ZDHHC14: variants seen among roughly 807,000 people sequenced by gnomAD.
ZDHHC14 encodes the protein zDHHC palmitoyltransferase 14, also known as palmitoyltransferase ZDHHC14.
Under a neutral mutation model 47.7 loss-of-function variants are expected in ZDHHC14, and 16 were observed. That is an observed-to-expected ratio of 0.34 (90% CI 0.23 to 0.51). ZDHHC14 has a LOEUF of 0.51. ZDHHC14 is among the 20% of genes least tolerant of loss of function. The pLI, the probability that ZDHHC14 is intolerant of heterozygous loss-of-function variation, is 0.97. For synonymous variants in ZDHHC14, 293 were observed against 278.9 expected (o/e 1.05, Z -0.50); for missense variants, 515 against 662.5 (o/e 0.78, Z 2.44).
intron 1 of ZDHHC14, among the ~76,000 whole-genome samples, chr6:157,523,114 A>ATC (rs748957176): frequency 3.3e-5 from 5 of 149,542 alleles, no homozygotes; most frequent in Non-Finnish European, 5.9e-5. Context: ...GGTGAATGGG[A>ATC]TCTCTCTCTC....
intron 3 of ZDHHC14, among the ~76,000 whole-genome samples, chr6:157,604,290 A>T (rs1024763037): frequency 9.8e-4 from 29 of 29,642 alleles, no homozygotes; most frequent in African/African-American, 4.2e-3. Flanking sequence ...CTGTCTTAAA[A>T]AAAAAAAAAA....
intron 1 of ZDHHC14, among the ~76,000 whole-genome samples, chr6:157,499,735 A>G (rs1303419250): frequency 6.6e-6 from 1 of 152,236 alleles, no homozygotes; most frequent in Non-Finnish European, 1.5e-5. Flanking sequence ...CACCCTATGC[A>G]TATAAGCAAC....
chr6:157,648,571 G>C (rs2114985258), intron 7 of ZDHHC14, among the ~76,000 whole-genome samples: 1 of 152,324 alleles, frequency 6.6e-6, no homozygotes, highest in East Asian at 1.9e-4. Flanking sequence ...AAACTTGGGA[G>C]CCCAGCATGC....
intron 1 of ZDHHC14, among the ~76,000 whole-genome samples, chr6:157,498,925 T>G (rs990228934): frequency 6.6e-6 from 1 of 152,194 alleles, no homozygotes; most frequent in East Asian, 1.9e-4. Context: ...GCTGAGCAGA[T>G]TTTTACCTCC....
intron 2 of ZDHHC14, among the ~76,000 whole-genome samples, chr6:157,589,823 CAG>C (rs1258262374): frequency 6.6e-6 from 1 of 152,086 alleles, no homozygotes; most frequent in African/African-American, 2.4e-5. Context: ...AAGTGGGTAA[CAG>C]GGAGAGGTTG....
chr6:157,660,180 C>A (rs1778284697), intron 8 of ZDHHC14, among the ~76,000 whole-genome samples: 1 of 135,272 alleles, frequency 7.4e-6, no homozygotes. Flanking sequence ...TTCTTACTTT[C>A]TTTTTTTCTT....
At chr6:157,434,280 G>A (rs566191723) in intron 1 of ZDHHC14, among the ~76,000 whole-genome samples, 1 of 150,552 alleles carries the variant, frequency 6.6e-6, no homozygotes, top group East Asian at 2.0e-4. Context: ...CTATTCTGAT[G>A]TTCTGAATAG....
chr6:157,617,523 T>C (rs914211920), intron 3 of ZDHHC14, among the ~76,000 whole-genome samples: 10 of 152,282 alleles, frequency 6.6e-5, no homozygotes, highest in African/African-American at 2.4e-4. Context: ...GTGGACTCTT[T>C]GCTACAAGAT....
chr6:157,628,401 C>G lies in ZDHHC14; in HGVS notation c.618C>G (p.Asn206Lys). 1 of 1,612,966 alleles carries G rather than the reference C, an allele frequency of 6.2e-7. No individual in the cohort carries two copies. The highest frequency in any genetic ancestry group is 2.2e-5 in the East Asian group (1 of 44,840). The stretch of plus-strand genomic sequence containing the variant: ...TAGGCAACTGTGTGGGGAAAAGAAA[C>G]TACAGATTTTTTTATATGTTTATTT... ...PWVGNCVGKR[N>K]YRFFYMFILS... The change falls in exon 4 of 9, where the codon AAC becomes AAG. Residue 206 changes from asparagine (N) to lysine (K), a missense_variant. Physicochemically the swap from Asn to Lys is moderately conservative, Grantham distance 94. Around this residue, in one of 4 missense-constraint regions of ZDHHC14, gnomAD observed 229 missense variants for 351.5 expected, o/e 0.65. Coordinates refer to ENST00000359775, the MANE Select transcript of ZDHHC14 (RefSeq NM_024630.3).
chr6:157,460,097 G>A (rs908270925), intron 1 of ZDHHC14, among the ~76,000 whole-genome samples: 8 of 151,246 alleles, frequency 5.3e-5, no homozygotes, highest in Non-Finnish European at 1.2e-4. Context: ...TAGCTACTTG[G>A]GGGGCTGAGG....
intron 8 of ZDHHC14, among the ~76,000 whole-genome samples, chr6:157,654,335 A>C (rs1673836656): frequency 6.6e-6 from 1 of 152,160 alleles, no homozygotes. Flanking sequence ...CAGTGTCTTA[A>C]GATTCCCTAG....
chr6:157,479,552 A>G (rs1779572758), intron 1 of ZDHHC14, among the ~76,000 whole-genome samples: 1 of 152,266 alleles, frequency 6.6e-6, no homozygotes, highest in South Asian at 2.1e-4. Context: ...AGGCTTTTCC[A>G]CAGGAACAGC....
chr6:157,597,561 C>T (rs149725133), intron 3 of ZDHHC14, among the ~76,000 whole-genome samples: 3,286 of 152,322 alleles, frequency 0.022, 54 homozygotes, highest in South Asian at 0.035. Context: ...TTTTGCAAAC[C>T]GGTTATACAA....
At position 157,667,959 on chromosome 6, in the gene ZDHHC14, C is replaced by T. The variant is rs114774099; in HGVS notation, c.1069-4765C>T. Among the ~76,000 whole-genome samples the T allele has an allele frequency of 8.5e-3, 1,296 of 152,326 alleles. 21 individuals carry two copies. Among genetic ancestry groups the T allele is most frequent in the African/African-American group, 0.03 (1,228 of 41,566 alleles). The stretch of plus-strand genomic sequence containing the variant: ...ATCTGACAAAACTCTGCTCTGTCCA[C>T]GCCAGTGCTCTCTTCTGAGCCAACA... On this transcript the variant is annotated intron_variant, in intron 8 of 8. Transcript: ENST00000359775.
At chr6:157,574,356 G>A (rs1783218206) in intron 2 of ZDHHC14, among the ~76,000 whole-genome samples, 2 of 152,144 alleles carry the variant, frequency 1.3e-5, no homozygotes, top group South Asian at 4.1e-4. Flanking sequence ...CCGGGAGGTG[G>A]AGGTTTCAGT....
At chr6:157,479,000 G>A (rs766726720) in intron 1 of ZDHHC14, among the ~76,000 whole-genome samples, 175 of 152,256 alleles carry the variant, frequency 1.1e-3, no homozygotes, top group Non-Finnish European at 1.5e-3. Flanking sequence ...AAAGGTCCGC[G>A]GGGAGACATA....
chr6:157,407,274 C>T (rs2114753726), intron 1 of ZDHHC14, among the ~76,000 whole-genome samples: 1 of 152,274 alleles, frequency 6.6e-6, no homozygotes, highest in East Asian at 1.9e-4. Flanking sequence ...TGTAGCCCCG[C>T]CCCTGGGAAG....
At chr6:157,432,186 G>A (rs948540855) in intron 1 of ZDHHC14, among the ~76,000 whole-genome samples, 1 of 152,166 alleles carries the variant, frequency 6.6e-6, no homozygotes, top group African/African-American at 2.4e-5. Flanking sequence ...TTTGTGTGAG[G>A]TGCCGTTGGA....
At chr6:157,548,671 C>A (rs769365175) in intron 2 of ZDHHC14, among the ~76,000 whole-genome samples, 1 of 152,200 alleles carries the variant, frequency 6.6e-6, no homozygotes, top group Non-Finnish European at 1.5e-5. Flanking sequence ...GTCTCGAACT[C>A]CCAGCCTCAG....
Sources: gnomAD v4.1 joint callset for allele counts (sites outside exome capture counted in the v4.1 genomes callset) on GRCh38, gnomAD v4.1.1 for gene constraint, gnomAD v4.1.1 regional missense constraint, MANE v1.5 for transcripts, NCBI Gene and HGNC (gene_info 2026-07-23, HGNC 2026-07-21) for gene names.